Variants in CPNE9 observed in about 807,000 individuals in gnomAD.
The protein encoded by CPNE9 is copine family member 9, also known as copine-9.
In CPNE9, 59 loss-of-function variants were observed where a neutral mutation model predicts 83.0. The observed-to-expected ratio is 0.71, with a 90% CI of 0.58 to 0.88. CPNE9 has a LOEUF of 0.88. Ranked by LOEUF, CPNE9 falls within the 40% of genes least tolerant of loss-of-function variation. The pLI is 0.00. For missense variants in CPNE9, 619 were observed against 720.8 expected (o/e 0.86, Z 1.62); for synonymous variants, 256 against 273.4 (o/e 0.94, Z 0.63).
intron 17 of CPNE9, among the ~76,000 whole-genome samples, chr3:9,721,849 C>A (rs1175596823): frequency 2.0e-5 from 3 of 152,154 alleles, no homozygotes; most frequent in Non-Finnish European, 2.9e-5. Flanking sequence ...CTTCATAACC[C>A]CTTGGGGATG....
intron 4 of CPNE9, 185 bp downstream of exon 4, chr3:9,705,179 G>T: frequency 1.5e-6 from 1 of 647,258 alleles, no homozygotes; most frequent in Non-Finnish European, 2.8e-6. Context: ...TCCGTCCCCC[G>T]CTCTGGCCCC....
At chr3:9,718,404 T>C in intron 16 of CPNE9, 71 bp from the exon 17 acceptor site, 1 of 1,551,636 alleles carries the variant, frequency 6.4e-7, no homozygotes, top group Non-Finnish European at 8.8e-7. Context: ...AAGGAAGGAG[T>C]GAGCTGGAAT....
chr3:9,721,901 T>C (rs952269831), intron 17 of CPNE9, among the ~76,000 whole-genome samples: 1 of 151,964 alleles, frequency 6.6e-6, no homozygotes, highest in Non-Finnish European at 1.5e-5. Flanking sequence ...ATTTTAAACA[T>C]AGGAACTGTT....
At chr3:9,709,594 G>A (rs953713314) in intron 7 of CPNE9, among the ~76,000 whole-genome samples, 21 of 151,484 alleles carry the variant, frequency 1.4e-4, no homozygotes, top group Admixed American at 9.9e-4. Context: ...GGTCTTGAAC[G>A]CCTTACCTCG....
intron 17 of CPNE9, among the ~76,000 whole-genome samples, chr3:9,722,057 A>G (rs2076738734): frequency 6.6e-6 from 1 of 151,832 alleles, no homozygotes; most frequent in Non-Finnish European, 1.5e-5. Flanking sequence ...AGCTGGGATT[A>G]CAGGTGCGCA....
At position 9,704,379 on chromosome 3, in the gene CPNE9, C is replaced by T. The variant is rs980884477; in HGVS notation, c.69-208C>T. The stretch of plus-strand genomic sequence containing the variant: ...CCCTTGGAGACAGTGTGGGTGCGTT[C>T]GCGTCCAGTCCGCAGAGCCATGGTT... On this transcript the variant is annotated intron_variant, in intron 1 of 20. Coordinates refer to ENST00000383832, the MANE Select transcript of CPNE9 (RefSeq NM_153635.3). This position sits in a 1 kb window ranked among gnomAD's most constrained non-coding sequence, Gnocchi z 7.1. Among the ~76,000 whole-genome samples, 8 of 152,132 alleles carry T rather than the reference C, an allele frequency of 5.3e-5. No individual in the cohort carries two copies. Among genetic ancestry groups the T allele is most frequent in the Admixed American group, 3.9e-4 (6 of 15,282 alleles).
intron 4 of CPNE9, 70 bp from the exon 5 acceptor site, chr3:9,705,394 C>T (rs2076552010): frequency 1.6e-6 from 2 of 1,233,038 alleles, no homozygotes; most frequent in South Asian, 2.7e-5. Context: ...CACCAAGACT[C>T]GGTGCCCGAC....
chr3:9,713,156 G>A, intron 10 of CPNE9, 77 bp downstream of exon 10: 1 of 1,108,424 alleles, frequency 9.0e-7, no homozygotes, highest in Non-Finnish European at 1.4e-6. Context: ...AATGATAGTA[G>A]AAGTATCATA....
rs575312786 is a variant in CPNE9, at chr3:9,718,753, C to T, written c.1241+151C>T. 1.2e-3 allele frequency: 1,051 copies of T among 910,076 alleles called. 3 individuals carry two copies. In the Middle Eastern group the frequency reaches 0.012, roughly 10 times the overall value. The allele number at this position is 910,076 out of a possible 1,614,324, so 56.4% of individuals were successfully genotyped here. A position where few individuals can be genotyped will look rare whatever the true frequency, so the allele number is the denominator to read the frequency against. ...TGGTGGCTCATACCTGTAATCCCAA[C>T]ACTTTGGGAGACTGAGGCAGGAGGA... On this transcript the variant is annotated intron_variant, in intron 17 of 20. Transcript: ENST00000383832.
At chr3:9,729,421 G>C in intron 20 of CPNE9, 86 bp from the exon 21 acceptor site, 2 of 1,488,962 alleles carry the variant, frequency 1.3e-6, no homozygotes, top group Non-Finnish European at 1.8e-6. Context: ...AGAGATGCTG[G>C]GGATCAAAAA....
At position 9,718,578 on chromosome 3, in the gene CPNE9, C is replaced by T. The variant is rs776878010; in HGVS notation, c.1217C>T (p.Ala406Val). Residue 406 changes from alanine (A) to valine (V), a missense_variant, in exon 17 of 21, where the codon GCT becomes GTT. This residue lies in a region of CPNE9 where 438 missense variants were observed against 562.9 expected (regional missense o/e 0.78). Coordinates refer to ENST00000383832, the MANE Select transcript of CPNE9 (RefSeq NM_153635.3). ...CAGCTCTATGGGCCCACCTACTTTG[C>T]TCCTGTCATCAACCAAGTGGCCAGG... Reference protein sequence around the residue: ...TVQLYGPTYFAPVINQVARAA... With the variant: ...TVQLYGPTYFVPVINQVARAA... The T allele has an allele frequency of 6.2e-7, 1 of 1,613,324 alleles. No individual in the cohort carries two copies. Among genetic ancestry groups the T allele is most frequent in the Non-Finnish European group, 8.5e-7 (1 of 1,179,510 alleles).
chr3:9,708,530 G>T (rs186378329), intron 7 of CPNE9, among the ~76,000 whole-genome samples: 24 of 152,358 alleles, frequency 1.6e-4, no homozygotes, highest in Admixed American at 1.4e-3. Flanking sequence ...GATGAAGATT[G>T]GGAATTGGCC....
intron 7 of CPNE9, among the ~76,000 whole-genome samples, chr3:9,710,649 A>G (rs293777): frequency 0.13 from 19,585 of 152,178 alleles, 1,453 homozygotes; most frequent in African/African-American, 0.2. Flanking sequence ...TTGTCTGGCC[A>G]TGTTCAGTTT....
chr3:9,727,116 T>C lies in CPNE9; in HGVS notation c.1406T>C (p.Met469Thr), dbSNP rs2076791407. The change falls in exon 20 of 21, where the codon ATG (methionine) becomes ACG (threonine). Residue 469 changes from methionine (M) to threonine (T), a missense_variant. Coordinates refer to ENST00000383832, the MANE Select transcript of CPNE9 (RefSeq NM_153635.3). ...GAGGGGTGTGTCTTTTCTGCAGCAA[T>C]GGAAGAGTTGGACGGTGATGATGTG... is the stretch of plus-strand genomic sequence containing the variant. ...VGVGPAMFEA[M>T]EELDGDDVRV... is the part of the protein sequence containing the mutation. 5 of 1,613,972 alleles carry C rather than the reference T, an allele frequency of 3.1e-6. No individual in the cohort carries two copies. The highest frequency in any genetic ancestry group is 3.4e-6 in the Non-Finnish European group (4 of 1,179,988).
chr3:9,726,036 G>C lies in CPNE9; in HGVS notation c.1329G>C (p.Lys443Asn). The C allele has an allele frequency of 1.2e-6, 2 of 1,604,738 alleles. No homozygotes were observed. Among genetic ancestry groups the C allele is most frequent in the Non-Finnish European group, 1.7e-6 (2 of 1,175,086 alleles). Residue 443 changes from lysine (K) to asparagine (N), a missense_variant, in exon 18 of 21, where the codon AAG (lysine) becomes AAC (asparagine). Coordinates refer to ENST00000383832, the MANE Select transcript of CPNE9 (RefSeq NM_153635.3). ...DGVISDMTQT[K>N]EAIVSASSLP... Reference sequence around the variant, plus strand: ...TCATCTCTGACATGACGCAGACCAAGGAGGCCATCGTCAGCGTGAGTCTGA... The same window carrying C: ...TCATCTCTGACATGACGCAGACCAACGAGGCCATCGTCAGCGTGAGTCTGA...
chr3:9,717,128 G>C (rs755195986), intron 15 of CPNE9, 24 bp downstream of exon 15: 5 of 1,613,814 alleles, frequency 3.1e-6, no homozygotes, highest in Middle Eastern at 1.7e-4. Flanking sequence ...GAGTGAAAAA[G>C]TCGGAGGTGG....
rs183717410 is a variant in CPNE9 at position 9,715,251 on chromosome 3, G to C, written c.693-38G>C. 6.6e-5 allele frequency: 106 copies of C among 1,605,558 alleles called. No homozygotes were observed. In the East Asian group the frequency reaches 1.9e-3, roughly 28 times the overall value. ...TGGGTTCAGCTCTGGTTCCAAACCA[G>C]CAGCACCTGCTGCTTAGCCACGCCC... On this transcript the variant is annotated intron_variant, in intron 11 of 20. Transcript: ENST00000383832.
At chr3:9,706,710 T>C (rs1344085674) in intron 7 of CPNE9, among the ~76,000 whole-genome samples, 1 of 152,114 alleles carries the variant, frequency 6.6e-6, no homozygotes, top group Non-Finnish European at 1.5e-5. Context: ...CTGGAAATAA[T>C]GGGTGAGTGG....
At position 9,704,851 on chromosome 3, in the gene CPNE9, G is replaced by A. The variant is rs985506171; in HGVS notation, c.157-40G>A. 1.2e-6 allele frequency: 2 copies of A among 1,603,004 alleles called. No individual in the cohort carries two copies. The highest frequency in any genetic ancestry group is 4.5e-5 in the East Asian group (2 of 44,646). On this transcript the variant is annotated intron_variant, in intron 3 of 20. Coordinates refer to ENST00000383832, the MANE Select transcript of CPNE9 (RefSeq NM_153635.3). The surrounding 1 kb of genome is among the most constrained non-coding windows in gnomAD (Gnocchi z 7.1). ...GCGTCGCCCGGGAATTCCCCTGCCC[G>A]TCTGCACGTCCCACGCTGACCCTCC...
Sources: allele counts gnomAD v4.1 joint callset (sites outside exome capture counted in the v4.1 genomes callset), GRCh38; gene constraint gnomAD v4.1.1; regional missense constraint gnomAD v4.1.1; non-coding constraint Gnocchi (gnomAD v3.1); transcripts MANE v1.5; gene names NCBI Gene and HGNC (gene_info 2026-07-23, HGNC 2026-07-21).